Variants in ANO10 observed in about 807,000 individuals in gnomAD.
The protein encoded by ANO10 is anoctamin 10, also known as anoctamin-10.
ANO10 carries 77 observed loss-of-function variants against 74.7 expected under a neutral mutation model. The observed-to-expected ratio is 1.03, with a 90% CI of 0.86 to 1.25. The LOEUF (loss-of-function observed/expected upper bound fraction) is 1.25, where lower values mean the gene tolerates loss of function less well. Among genes scored for constraint, ANO10 ranks in the 50% most tolerant of loss-of-function variants. ANO10 has a pLI of 0.00. For missense variants in ANO10, 721 were observed against 778.1 expected (o/e 0.93, Z 0.87); for synonymous variants, 279 against 284.9 (o/e 0.98, Z 0.21).
At chr3:43,442,580 G>A (rs1319802176) in intron 11 of ANO10, among the ~76,000 whole-genome samples, 2 of 152,204 alleles carry the variant, frequency 1.3e-5, no homozygotes, top group African/African-American at 4.8e-5. Flanking sequence ...TTCATGTGCT[G>A]TATTAGAACA....
rs997161084 is a variant in ANO10 at position 43,528,064 on chromosome 3, G to A, written c.1797+21656C>T. On this transcript the variant is annotated intron_variant, in intron 11 of 12. Transcript: ENST00000292246. ...ACCTCTCACTACCAAGAAGATACTC[G>A]TTAAAAGAAACAACATTTTACTATA... 4.6e-5 allele frequency among the ~76,000 whole-genome samples: 7 copies of A among 151,924 alleles called. No homozygotes were observed. In the East Asian group the frequency reaches 5.8e-4, roughly 13 times the overall value.
At chr3:43,491,421 C>G (rs1057185550) in intron 11 of ANO10, among the ~76,000 whole-genome samples, 3 of 152,008 alleles carry the variant, frequency 2.0e-5, no homozygotes, top group South Asian at 2.1e-4. Context: ...GGCTGCGGCA[C>G]GAGAATCGCT....
chr3:43,403,838 G>A (rs988178417), intron 12 of ANO10, among the ~76,000 whole-genome samples: 10 of 152,052 alleles, frequency 6.6e-5, no homozygotes, highest in African/African-American at 2.4e-4. Flanking sequence ...TAAACATTCA[G>A]AGTACCTGTG....
intron 11 of ANO10, among the ~76,000 whole-genome samples, chr3:43,547,864 G>C (rs1174586571): frequency 6.6e-6 from 1 of 152,194 alleles, no homozygotes; most frequent in Non-Finnish European, 1.5e-5. Flanking sequence ...CAGGAATCTA[G>C]AGAAAGTGAG....
Position 43,635,612 on chromosome 3 carries a change from G to A in ANO10, c.-11-29749C>T, listed in dbSNP as rs571761007. ...TTCTTTAGTTCGTATAATCTGGTAA[G>A]CTCTGATCTTTTTTTTTTTTTTTTC... is the stretch of plus-strand genomic sequence containing the variant. On this transcript the variant is annotated intron_variant, in intron 1 of 3. Coordinates refer to the ANO10 transcript ENST00000413397. Among the ~76,000 whole-genome samples the A allele has an allele frequency of 3.2e-4, 48 of 151,506 alleles. No individual in the cohort carries two copies. The South Asian group carries it at 8.9e-3, about 28-fold the overall frequency.
intron 12 of ANO10, among the ~76,000 whole-genome samples, chr3:43,428,816 A>AAAAAAAAAAAAAAAAAC (rs2092938210): frequency 6.6e-6 from 1 of 150,930 alleles, no homozygotes; most frequent in African/African-American, 2.4e-5. Context: ...AAAAAAAAAA[A>AAAAAAAAAAAAAAAAAC]AAGTCATTGA....
At chr3:43,574,334 C>T (rs1245022664) in intron 7 of ANO10, among the ~76,000 whole-genome samples, 4 of 148,812 alleles carry the variant, frequency 2.7e-5, no homozygotes, top group East Asian at 2.0e-4. Flanking sequence ...GCAATGGTAC[C>T]ATCTTGGCTC....
At chr3:43,609,797 G>C (rs1307709738) in intron 1 of ANO10, among the ~76,000 whole-genome samples, 1 of 152,100 alleles carries the variant, frequency 6.6e-6, no homozygotes, top group Non-Finnish European at 1.5e-5. Context: ...CATAGAAAAA[G>C]TACAGTGAAA....
chr3:43,509,312 A>T (rs1187271257), intron 11 of ANO10, among the ~76,000 whole-genome samples: 1 of 152,130 alleles, frequency 6.6e-6, no homozygotes, highest in African/African-American at 2.4e-5. Flanking sequence ...GCACATGTAC[A>T]CGTATGTAAC....
chr3:43,458,455 C>G (rs2075236458), intron 11 of ANO10, among the ~76,000 whole-genome samples: 1 of 152,126 alleles, frequency 6.6e-6, no homozygotes, highest in Admixed American at 6.5e-5. Context: ...TTGATTTGCT[C>G]CATCAAATTC....
intron 11 of ANO10, among the ~76,000 whole-genome samples, chr3:43,434,911 TTA>T (rs748758675): frequency 1.1e-4 from 17 of 152,252 alleles, no homozygotes; most frequent in South Asian, 2.1e-4. Flanking sequence ...CAACATGCTT[TTA>T]TGAGTAATTC....
rs141990732 is a variant in ANO10, at chr3:43,654,157, CT to C, written c.-12+37359del. ...CCTGTTCATTTCATTATCACCTGAG[CT>C]GGATTGAGAGGGACATTCTGGAATT... On this transcript the variant is annotated intron_variant, in intron 1 of 3. Transcript: ENST00000413397. Among the ~76,000 whole-genome samples the C allele has an allele frequency of 2.2e-3, 330 of 152,132 alleles. 1 individual carries two copies. Among genetic ancestry groups the C allele is most frequent in the African/African-American group, 7.2e-3 (299 of 41,506 alleles).
At chr3:43,516,450 TA>T (rs1332981223) in intron 11 of ANO10, among the ~76,000 whole-genome samples, 1 of 152,078 alleles carries the variant, frequency 6.6e-6, no homozygotes, top group Non-Finnish European at 1.5e-5. Flanking sequence ...GAAGGGAGAC[TA>T]GGGACGAAAG....
At chr3:43,555,110 T>C (rs2079675464) in intron 10 of ANO10, among the ~76,000 whole-genome samples, 168 bp downstream of exon 10, 1 of 152,206 alleles carries the variant, frequency 6.6e-6, no homozygotes, top group South Asian at 2.1e-4. Flanking sequence ...AAAGTGAAGC[T>C]AGACAAAGTT....
At chr3:43,683,214 A>G (rs1007141936) in intron 1 of ANO10, among the ~76,000 whole-genome samples, 1 of 152,352 alleles carries the variant, frequency 6.6e-6, no homozygotes, top group African/African-American at 2.4e-5. Flanking sequence ...CCTTAAGCTG[A>G]TAAGCAACTT....
At chr3:43,432,889 C>T (rs2093006167) in intron 11 of ANO10, among the ~76,000 whole-genome samples, 162 bp from the exon 12 acceptor site, 1 of 146,110 alleles carries the variant, frequency 6.8e-6, no homozygotes, top group African/African-American at 2.5e-5. Context: ...ATGAGTTGTA[C>T]TGAGTGAGTC....
chr3:43,672,851 C>T (rs1040912836), intron 1 of ANO10, among the ~76,000 whole-genome samples: 3 of 152,110 alleles, frequency 2.0e-5, no homozygotes, highest in African/African-American at 7.2e-5. Flanking sequence ...CAAAAAAGCC[C>T]TGATTTGAAG....
At chr3:43,493,266 G>C (rs938908500) in intron 11 of ANO10, among the ~76,000 whole-genome samples, 13 of 152,174 alleles carry the variant, frequency 8.5e-5, no homozygotes, top group Non-Finnish European at 1.5e-4. Flanking sequence ...TCACACACCA[G>C]AGCCTGTGGG....
chr3:43,441,682 CA>C lies in ANO10; in HGVS notation c.1798-8956del, dbSNP rs565880172. 5.2e-3 allele frequency among the ~76,000 whole-genome samples: 784 copies of C among 152,012 alleles called. 13 individuals carry two copies. Among genetic ancestry groups the C allele is most frequent in the Admixed American group, 0.012 (188 of 15,278 alleles). On this transcript the variant is annotated intron_variant, in intron 11 of 12. Transcript: ENST00000292246. ...TATGAGGTCAATATCACTGTGATAC[CA>C]AAACCAAAGACATAATTTAAAAAAG...
Sources: gnomAD v4.1 joint callset for allele counts (sites outside exome capture counted in the v4.1 genomes callset) on GRCh38, gnomAD v4.1.1 for gene constraint, MANE v1.5 for transcripts, NCBI Gene and HGNC (gene_info 2026-07-23, HGNC 2026-07-21) for gene names.